MTSS1: variants seen among roughly 807,000 people sequenced by gnomAD.
MTSS1 encodes the protein protein MTSS 1.
A neutral mutation model predicts 79.0 loss-of-function variants in MTSS1; 18 were observed. The observed-to-expected ratio is 0.23, with a 90% CI of 0.16 to 0.34. The LOEUF is 0.34. MTSS1 is among the 10% of genes least tolerant of loss of function. The pLI is 1.00. For synonymous variants in MTSS1, 341 were observed against 368.6 expected, an observed-to-expected ratio of 0.93 and a Z score of 0.86; for missense variants, 815 against 986.2, an observed-to-expected ratio of 0.83 and a Z score of 2.33.
At chr8:124,589,298 C>A (rs532056333) in intron 5 of MTSS1, among the ~76,000 whole-genome samples, 1 of 151,946 alleles carries the variant, frequency 6.6e-6, no homozygotes, top group Admixed American at 6.6e-5. Context: ...CCCAAAGTGC[C>A]GGGATTACAG....
At chr8:124,688,350 TG>T (rs764465124) in intron 3 of MTSS1, among the ~76,000 whole-genome samples, 1 of 151,382 alleles carries the variant, frequency 6.6e-6, no homozygotes, top group Non-Finnish European at 1.5e-5. Context: ...ATGTGTGTTG[TG>T]TGTGTGTTGT....
At chr8:124,633,138 C>T (rs1180432184) in intron 3 of MTSS1, among the ~76,000 whole-genome samples, 2 of 151,842 alleles carry the variant, frequency 1.3e-5, no homozygotes, top group Non-Finnish European at 2.9e-5. Context: ...TAGTGAGACC[C>T]CATCTGTATA....
At chr8:124,579,440 G>T (rs1829611162) in intron 6 of MTSS1, among the ~76,000 whole-genome samples, 1 of 152,210 alleles carries the variant, frequency 6.6e-6, no homozygotes, top group East Asian at 1.9e-4. Flanking sequence ...TTAGATAGTG[G>T]CGATGGTTGC....
chr8:124,580,489 GA>G lies in MTSS1; in HGVS notation c.460+4597del, dbSNP rs1829835575. 5.2e-6 allele frequency: 8 copies of G among 1,527,948 alleles called. No homozygotes were observed. In the East Asian group the frequency reaches 2.0e-4, roughly 37 times the overall value. The allele number at this position is 1,527,948 out of a possible 1,614,324, so 94.6% of individuals were successfully genotyped here. On this transcript the variant is annotated intron_variant, in intron 6 of 13. Coordinates refer to ENST00000518547, the MANE Select transcript of MTSS1 (RefSeq NM_014751.6). Reference sequence around the variant, plus strand: ...GCTAGCAGAGGTCTGGACAACCACGGAAAGCCCACAGCAAGGACCACACCGT... The same window carrying G: ...GCTAGCAGAGGTCTGGACAACCACGGAAGCCCACAGCAAGGACCACACCGT...
intron 3 of MTSS1, among the ~76,000 whole-genome samples, chr8:124,612,025 A>G (rs867087551): frequency 7.2e-5 from 11 of 152,360 alleles, no homozygotes; most frequent in Middle Eastern, 3.4e-3. Context: ...TCAGGAACCC[A>G]GCACTCATTT....
In MTSS1 at chr8:124,567,087, G is replaced by A. The variant is rs755703616; in HGVS notation, c.710C>T (p.Pro237Leu). The A allele has an allele frequency of 6.2e-7, 1 of 1,613,136 alleles. No homozygotes were observed. Residue 237 changes from proline (P) to leucine (L), a missense_variant, in exon 8 of 14, where the codon CCC (proline) becomes CTC (leucine). By Grantham distance (98) the Pro-to-Leu change is moderately conservative. This residue lies in a region of MTSS1 where 225 missense variants were observed against 365.4 expected (regional missense o/e 0.62). Transcript: ENST00000518547. Reference protein sequence around the residue: ...KSLTMDPHKLPSSSEQVILDL... With the variant: ...KSLTMDPHKLLSSSEQVILDL... ...GAAGCCTACCTGTTCACTTGAGGAG[G>A]GCAGTTTGTGAGGGTCCATGGTCAG...
intron 3 of MTSS1, among the ~76,000 whole-genome samples, chr8:124,661,127 A>G (rs1821949456): frequency 6.6e-6 from 1 of 152,226 alleles, no homozygotes; most frequent in African/African-American, 2.4e-5. Context: ...TATCATTCAG[A>G]ACCTTCATCC....
chr8:124,692,708 A>G (rs1828152463), intron 3 of MTSS1, among the ~76,000 whole-genome samples: 2 of 152,168 alleles, frequency 1.3e-5, no homozygotes, highest in Admixed American at 1.3e-4. Flanking sequence ...ACCAAGATTC[A>G]AATTCTGAAC....
intron 7 of MTSS1, 85 bp downstream of exon 7, chr8:124,568,294 T>TGACTCAACAGTG: frequency 6.8e-7 from 1 of 1,462,768 alleles, no homozygotes; most frequent in East Asian, 2.3e-5. Context: ...AGATTCTCCA[T>TGACTCAACAGTG]GACTCAACAG....
chr8:124,684,925 C>T (rs1275133639), intron 3 of MTSS1, among the ~76,000 whole-genome samples: 1 of 152,168 alleles, frequency 6.6e-6, no homozygotes, highest in Non-Finnish European at 1.5e-5. Flanking sequence ...TTGGCCCCTA[C>T]TATGTTAGGG....
At chr8:124,658,453 T>C (rs1821391254) in intron 3 of MTSS1, among the ~76,000 whole-genome samples, 1 of 152,190 alleles carries the variant, frequency 6.6e-6, no homozygotes, top group South Asian at 2.1e-4. Flanking sequence ...TTTTTCTTTA[T>C]AAATTACCCA....
chr8:124,697,373 A>G (rs1269212253), intron 3 of MTSS1, among the ~76,000 whole-genome samples: 1 of 152,112 alleles, frequency 6.6e-6, no homozygotes, highest in Non-Finnish European at 1.5e-5. Context: ...TAGCCTGGCT[A>G]ACATGGTGAA....
intron 7 of MTSS1, among the ~76,000 whole-genome samples, chr8:124,567,410 G>A (rs894098623): frequency 1.3e-5 from 2 of 152,176 alleles, no homozygotes; most frequent in East Asian, 3.9e-4. Flanking sequence ...GGGACAGTGG[G>A]GAACACACAG....
chr8:124,657,526 G>A (rs77420982), intron 3 of MTSS1, among the ~76,000 whole-genome samples: 4,536 of 151,642 alleles, frequency 0.03, 229 homozygotes, highest in African/African-American at 0.1. Context: ...ACATATGGGT[G>A]TGAACAGAAG....
At chr8:124,688,145 C>A (rs773837947) in intron 3 of MTSS1, among the ~76,000 whole-genome samples, 1 of 151,930 alleles carries the variant, frequency 6.6e-6, no homozygotes, top group Non-Finnish European at 1.5e-5. Flanking sequence ...AATCAAAAAA[C>A]GTGTATTTGT....
At chr8:124,680,749 G>C (rs931901615) in intron 3 of MTSS1, among the ~76,000 whole-genome samples, 4 of 152,168 alleles carry the variant, frequency 2.6e-5, no homozygotes, top group African/African-American at 9.7e-5. Context: ...AACATTCACT[G>C]TTGCCAAGTA....
intron 3 of MTSS1, among the ~76,000 whole-genome samples, chr8:124,660,120 G>A (rs1374228100): frequency 6.6e-6 from 1 of 151,592 alleles, no homozygotes; most frequent in Non-Finnish European, 1.5e-5. Context: ...CTGTCCCGAG[G>A]ATATGCTTGG....
chr8:124,716,057 C>T (rs941539868), intron 1 of MTSS1, among the ~76,000 whole-genome samples: 1 of 152,190 alleles, frequency 6.6e-6, no homozygotes, highest in East Asian at 1.9e-4. Context: ...TGGGCACCTA[C>T]TATGCGCAGG....
At chr8:124,652,669 C>T (rs1820187540) in intron 3 of MTSS1, among the ~76,000 whole-genome samples, 1 of 152,004 alleles carries the variant, frequency 6.6e-6, no homozygotes, top group Non-Finnish European at 1.5e-5. Context: ...GTGGCAGGTG[C>T]CTATAATCCC....
Sources: gnomAD v4.1 joint callset for allele counts (sites outside exome capture counted in the v4.1 genomes callset) on GRCh38, gnomAD v4.1.1 for gene constraint, gnomAD v4.1.1 regional missense constraint, MANE v1.5 for transcripts, NCBI Gene and HGNC (gene_info 2026-07-23, HGNC 2026-07-21) for gene names.